Variants in SPIDR observed in about 807,000 individuals in gnomAD.
The protein encoded by SPIDR is scaffold protein involved in DNA repair.
A neutral mutation model predicts 104.6 loss-of-function variants in SPIDR; 93 were observed. The observed-to-expected ratio is 0.89, with a 90% CI of 0.75 to 1.06. SPIDR has a LOEUF of 1.06. Ranked by LOEUF, SPIDR falls within the 50% of genes least tolerant of loss-of-function variation. The pLI is 0.00. For synonymous variants in SPIDR, 431 were observed against 416.9 expected (o/e 1.03, Z -0.41); for missense variants, 1,154 against 1,111.2 (o/e 1.04, Z -0.55).
intron 16 of SPIDR, among the ~76,000 whole-genome samples, chr8:47,726,316 T>A (rs917602699): frequency 9.2e-5 from 14 of 152,254 alleles, no homozygotes; most frequent in African/African-American, 3.1e-4. Flanking sequence ...AAGATAAATT[T>A]TCTCCCAATG....
At chr8:47,729,371 G>A in intron 18 of SPIDR, 41 bp from the exon 19 acceptor site, 2 of 1,564,218 alleles carry the variant, frequency 1.3e-6, no homozygotes, top group Non-Finnish European at 1.7e-6. Flanking sequence ...CACTTACTGT[G>A]TTGGAGGGAG....
intron 5 of SPIDR, among the ~76,000 whole-genome samples, chr8:47,312,564 G>A (rs2044407527): frequency 6.6e-6 from 1 of 152,042 alleles, no homozygotes; most frequent in African/African-American, 2.4e-5. Flanking sequence ...TTTTGATGGG[G>A]TTGTTTGTTT....
chr8:47,564,007 T>C (rs1291952761), intron 8 of SPIDR, among the ~76,000 whole-genome samples: 3 of 152,068 alleles, frequency 2.0e-5, no homozygotes, highest in Admixed American at 2.0e-4. Context: ...TCCCTTTCCT[T>C]ATACTTAGCC....
intron 5 of SPIDR, among the ~76,000 whole-genome samples, chr8:47,375,549 A>G (rs1359717665): frequency 1.3e-5 from 2 of 152,178 alleles, no homozygotes; most frequent in African/African-American, 4.8e-5. Context: ...GTTAATAGCT[A>G]TTAAGAAAAC....
chr8:47,371,128 GTTT>G (rs56285452), intron 5 of SPIDR, among the ~76,000 whole-genome samples: 1 of 128,608 alleles, frequency 7.8e-6, no homozygotes, highest in Non-Finnish European at 1.7e-5. Flanking sequence ...ACACAAGCAG[GTTT>G]TTTTTTTTTT....
intron 8 of SPIDR, among the ~76,000 whole-genome samples, chr8:47,466,332 A>G (rs1483694789): frequency 6.6e-6 from 1 of 152,242 alleles, no homozygotes; most frequent in Non-Finnish European, 1.5e-5. Flanking sequence ...CTGTCAGACC[A>G]CGGCACAATC....
At position 47,408,013 on chromosome 8, in the gene SPIDR, A is replaced by G. The variant is rs782039768; in HGVS notation, c.877+52A>G. On this transcript the variant is annotated intron_variant, in intron 7 of 19. Transcript: ENST00000297423. ...AATGTGTAAAAAAATATTTTAGTTA[A>G]AAGAATTCTTACATTAAAATATATG... 5.0e-6 allele frequency: 5 copies of G among 999,186 alleles called. No homozygotes were observed. In the East Asian group the frequency reaches 1.3e-4, roughly 27 times the overall value. The allele number at this position is 999,186 out of a possible 1,614,324, so 61.9% of individuals were successfully genotyped here.
At chr8:47,263,566 G>A (rs1182208181) in intron 1 of SPIDR, among the ~76,000 whole-genome samples, 1 of 152,126 alleles carries the variant, frequency 6.6e-6, no homozygotes, top group Non-Finnish European at 1.5e-5. Context: ...TGATCCGCCC[G>A]CCTCGGCCTC....
intron 8 of SPIDR, among the ~76,000 whole-genome samples, chr8:47,502,545 T>C (rs1586781948): frequency 6.6e-6 from 1 of 152,322 alleles, no homozygotes. Context: ...TTTATTAGTC[T>C]TGCTAGCAGT....
At chr8:47,497,990 CAGCAGAGTTATTT>C (rs1385688360) in intron 8 of SPIDR, among the ~76,000 whole-genome samples, 1 of 152,170 alleles carries the variant, frequency 6.6e-6, no homozygotes, top group African/African-American at 2.4e-5. Flanking sequence ...TGCATTTGCA[CAGCAGAGTTATTT>C]AGAGGTACCC....
chr8:47,470,105 AAAGG>A (rs2075458946), intron 8 of SPIDR, among the ~76,000 whole-genome samples: 2 of 152,184 alleles, frequency 1.3e-5, no homozygotes, highest in Admixed American at 1.3e-4. Context: ...AAAATTTTGA[AAAGG>A]AAGAGCAAAT....
intron 10 of SPIDR, among the ~76,000 whole-genome samples, chr8:47,612,532 C>G (rs989842603): frequency 1.3e-5 from 2 of 152,182 alleles, no homozygotes; most frequent in African/African-American, 4.8e-5. Context: ...AGTGTCATTC[C>G]TAATGGCAGA....
At chr8:47,600,904 G>A (rs753942723) in intron 10 of SPIDR, among the ~76,000 whole-genome samples, 1 of 152,168 alleles carries the variant, frequency 6.6e-6, no homozygotes, top group African/African-American at 2.4e-5. Flanking sequence ...GAGAAAGAAC[G>A]ACAAAACTGA....
chr8:47,345,422 C>T (rs1554617177), intron 5 of SPIDR, among the ~76,000 whole-genome samples: 1 of 152,152 alleles, frequency 6.6e-6, no homozygotes, highest in Non-Finnish European at 1.5e-5. Context: ...GTTCTTTTGG[C>T]TTAGGATTGA....
At chr8:47,476,719 A>G (rs2076333949) in intron 8 of SPIDR, among the ~76,000 whole-genome samples, 1 of 152,164 alleles carries the variant, frequency 6.6e-6, no homozygotes, top group African/African-American at 2.4e-5. Context: ...TCTTGTTTAA[A>G]AATTGATTTT....
At chr8:47,490,008 T>C (rs1554737618) in intron 8 of SPIDR, among the ~76,000 whole-genome samples, 1 of 152,172 alleles carries the variant, frequency 6.6e-6, no homozygotes, top group Non-Finnish European at 1.5e-5. Flanking sequence ...AAATGGGGTC[T>C]AATTAAACTA....
chr8:47,673,320 G>T (rs773618984), intron 10 of SPIDR: 1 of 437,968 alleles, frequency 2.3e-6, no homozygotes, highest in African/African-American at 2.0e-5. Flanking sequence ...GTGTACTGTC[G>T]CAGAGAATGC....
intron 8 of SPIDR, among the ~76,000 whole-genome samples, chr8:47,448,840 C>T (rs1233091679): frequency 2.0e-5 from 3 of 151,966 alleles, no homozygotes; most frequent in African/African-American, 7.3e-5. Context: ...GAGTAAAGAC[C>T]AAAAAGTCAG....
chr8:47,360,717 C>T (rs2055690495), intron 5 of SPIDR: 2 of 390,878 alleles, frequency 5.1e-6, no homozygotes, highest in South Asian at 1.0e-4. Flanking sequence ...CCACTTTCTA[C>T]ATGTTGGCAG....
Sources: gnomAD v4.1 joint callset for allele counts (sites outside exome capture counted in the v4.1 genomes callset) on GRCh38, gnomAD v4.1.1 for gene constraint, MANE v1.5 for transcripts, NCBI Gene and HGNC (gene_info 2026-07-23, HGNC 2026-07-21) for gene names.